SCFD2: variants seen among roughly 807,000 people sequenced by gnomAD.
SCFD2 encodes the protein sec1 family domain containing 2, also known as sec1 family domain-containing protein 2.
In SCFD2, 54 loss-of-function variants were observed where a neutral mutation model predicts 58.9. The observed-to-expected ratio is 0.92, with a 90% CI of 0.74 to 1.15. The LOEUF is 1.15. Ranked by LOEUF, SCFD2 falls within the 50% of genes most tolerant of loss-of-function variation. SCFD2 has a pLI of 0.00. For missense variants in SCFD2, 805 were observed against 836.6 expected (o/e 0.96, Z 0.47); for synonymous variants, 321 against 335.9 (o/e 0.96, Z 0.49).
intron 2 of SCFD2, among the ~76,000 whole-genome samples, chr4:53,327,376 C>A (rs1364449612): frequency 3.3e-5 from 5 of 152,056 alleles, no homozygotes; most frequent in African/African-American, 1.2e-4. Flanking sequence ...TAGGGGTGGG[C>A]AGCTGCAGCC....
intron 6 of SCFD2, among the ~76,000 whole-genome samples, chr4:52,920,041 T>C (rs879650675): frequency 1.3e-5 from 2 of 152,228 alleles, no homozygotes; most frequent in Admixed American, 6.5e-5. Context: ...ACCAGGAACC[T>C]TAGTTCTGTC....
chr4:53,352,542 A>G (rs1269500771), intron 2 of SCFD2, 56 bp downstream of exon 2: 1 of 1,423,098 alleles, frequency 7.0e-7, no homozygotes, highest in Admixed American at 1.8e-5. Context: ...TCAGTCTAGG[A>G]GAAAAAGAAA....
chr4:53,142,776 G>A (rs1485902442), intron 5 of SCFD2, among the ~76,000 whole-genome samples: 2 of 152,156 alleles, frequency 1.3e-5, no homozygotes, highest in East Asian at 1.9e-4. Flanking sequence ...TTAGTAAGAG[G>A]TATGTCTATA....
At chr4:53,296,000 G>C (rs144338411) in intron 3 of SCFD2, among the ~76,000 whole-genome samples, 1 of 152,164 alleles carries the variant, frequency 6.6e-6, no homozygotes, top group Non-Finnish European at 1.5e-5. Flanking sequence ...CTTGATCATG[G>C]TGGATAAGCT....
intron 2 of SCFD2, among the ~76,000 whole-genome samples, chr4:53,344,355 A>T (rs190655915): frequency 0.024 from 3,704 of 151,936 alleles, 87 homozygotes; most frequent in East Asian, 0.14. Flanking sequence ...CACAATTGCT[A>T]CAAAGAGAAT....
At chr4:53,141,541 A>G (rs1726165790) in intron 5 of SCFD2, among the ~76,000 whole-genome samples, 1 of 152,202 alleles carries the variant, frequency 6.6e-6, no homozygotes, top group Non-Finnish European at 1.5e-5. Flanking sequence ...TATGAAAAGG[A>G]CACCTCTTCA....
intron 3 of SCFD2, among the ~76,000 whole-genome samples, chr4:53,301,640 CA>C (rs1258613381): frequency 6.6e-6 from 1 of 152,080 alleles, no homozygotes; most frequent in Non-Finnish European, 1.5e-5. Context: ...CTGGCAGAGA[CA>C]CAACAAAAAA....
intron 4 of SCFD2, among the ~76,000 whole-genome samples, chr4:53,158,819 T>G (rs1726769846): frequency 6.6e-6 from 1 of 152,240 alleles, no homozygotes; most frequent in South Asian, 2.1e-4. Context: ...TAAACTTTAC[T>G]GAACTACTTG....
chr4:52,907,456 C>A lies in SCFD2; in HGVS notation c.1842+1G>T. The A allele has an allele frequency of 1.2e-6, 2 of 1,613,668 alleles. No individual in the cohort carries two copies. ...GGATTACCTCTCCATGGTTACTTTACCTTCATGAACATGCTAAATCCAGTT... is the reference window on the plus strand; with the variant it reads ...GGATTACCTCTCCATGGTTACTTTAACTTCATGAACATGCTAAATCCAGTT... On this transcript the variant is annotated splice_donor_variant, in intron 7 of 8. Coordinates refer to ENST00000401642, the MANE Select transcript of SCFD2 (RefSeq NM_152540.4). LOFTEE classifies it high-confidence loss of function.
chr4:53,299,126 T>A (rs1335775081), intron 3 of SCFD2, among the ~76,000 whole-genome samples: 1 of 152,106 alleles, frequency 6.6e-6, no homozygotes, highest in African/African-American at 2.4e-5. Context: ...AGAGGAAGGC[T>A]TCAGAAGATC....
At chr4:53,334,275 C>T (rs1416461711) in intron 2 of SCFD2, among the ~76,000 whole-genome samples, 2 of 152,120 alleles carry the variant, frequency 1.3e-5, no homozygotes, top group Non-Finnish European at 2.9e-5. Context: ...GACTATAAAT[C>T]TTGCTGCTAT....
intron 2 of SCFD2, among the ~76,000 whole-genome samples, chr4:53,351,213 AGC>A (rs1734210051): frequency 6.6e-6 from 1 of 152,226 alleles, no homozygotes; most frequent in Admixed American, 6.5e-5. Context: ...ATGTGAACAG[AGC>A]AGATGACAGA....
chr4:53,009,769 T>C (rs1363220304), intron 5 of SCFD2, among the ~76,000 whole-genome samples: 1 of 152,158 alleles, frequency 6.6e-6, no homozygotes, highest in Non-Finnish European at 1.5e-5. Flanking sequence ...CTGCTTCCCT[T>C]TATCATTTTA....
chr4:53,206,731 G>A (rs1177047438), intron 4 of SCFD2, among the ~76,000 whole-genome samples: 1 of 151,916 alleles, frequency 6.6e-6, no homozygotes, highest in African/African-American at 2.4e-5. Context: ...TTTTTCATTG[G>A]TTATTAAATC....
Position 52,972,217 on chromosome 4 carries a change from C to T in SCFD2, c.1562-51347G>A, listed in dbSNP as rs1721122758. Among the ~76,000 whole-genome samples, 3 of 152,174 alleles carry T rather than the reference C, an allele frequency of 2.0e-5. No homozygotes were observed. The South Asian group carries it at 6.2e-4, about 32-fold the overall frequency. On this transcript the variant is annotated intron_variant, in intron 5 of 8. Coordinates refer to ENST00000401642, the MANE Select transcript of SCFD2 (RefSeq NM_152540.4). ...AAATGCTCCAATTAAAAGGCACAGA[C>T]TGGCAAATCGGATAAAGAGTCAAGA...
At chr4:53,258,209 G>T (rs1027725455) in intron 4 of SCFD2, among the ~76,000 whole-genome samples, 1 of 151,980 alleles carries the variant, frequency 6.6e-6, no homozygotes, top group Non-Finnish European at 1.5e-5. Context: ...AGAAACAAAT[G>T]GTATTTGGTT....
chr4:53,163,950 T>A (rs1726929208), intron 4 of SCFD2, among the ~76,000 whole-genome samples: 1 of 152,140 alleles, frequency 6.6e-6, no homozygotes, highest in Non-Finnish European at 1.5e-5. Context: ...AGAAGGAACA[T>A]CTCATTTTCT....
intron 5 of SCFD2, among the ~76,000 whole-genome samples, chr4:52,965,824 G>T (rs1332118052): frequency 6.6e-6 from 1 of 152,216 alleles, no homozygotes; most frequent in African/African-American, 2.4e-5. Context: ...ATAATAGGAA[G>T]ATCATGGTTG....
chr4:53,273,698 G>A, intron 4 of SCFD2, 128 bp downstream of exon 4: 3 of 824,766 alleles, frequency 3.6e-6, no homozygotes, highest in African/African-American at 3.5e-5. Flanking sequence ...GGGGCACTTA[G>A]AGAATATGAA....
Sources: gnomAD v4.1 joint callset for allele counts (sites outside exome capture counted in the v4.1 genomes callset) on GRCh38, gnomAD v4.1.1 for gene constraint, MANE v1.5 for transcripts, NCBI Gene and HGNC (gene_info 2026-07-23, HGNC 2026-07-21) for gene names.